SLC44A1: variants seen among roughly 807,000 people sequenced by gnomAD.
SLC44A1 encodes choline transporter-like protein 1.
A neutral mutation model predicts 79.3 loss-of-function variants in SLC44A1; 26 were observed. The ratio of observed to expected loss-of-function variants is 0.33; its 90% CI spans 0.24 to 0.46. SLC44A1 has a LOEUF of 0.46. Ranked by LOEUF, SLC44A1 falls within the 20% of genes least tolerant of loss-of-function variation. The pLI is 1.00. For synonymous variants in SLC44A1, 263 were observed against 286.2 expected (o/e 0.92, Z 0.82); for missense variants, 688 against 798.1 (o/e 0.86, Z 1.66).
intron 6 of SLC44A1, chr9:105,357,205 A>G (rs955917868): frequency 2.0e-5 from 3 of 152,180 alleles, no homozygotes; most frequent in Non-Finnish European, 4.4e-5. Context: ...TATTTCTGTG[A>G]TATTTGAAAG....
chr9:105,284,162 G>C (rs533279707), intron 1 of SLC44A1, among the ~76,000 whole-genome samples: 34 of 151,854 alleles, frequency 2.2e-4, no homozygotes, highest in African/African-American at 8.0e-4. Context: ...CACCTAATAG[G>C]TGCTAAGTAA....
intron 15 of SLC44A1, among the ~76,000 whole-genome samples, chr9:105,424,522 A>G (rs186267224): frequency 6.6e-6 from 1 of 152,312 alleles, no homozygotes; most frequent in East Asian, 1.9e-4. Context: ...CCTGAATGCA[A>G]TGTTTACTGC....
At position 105,370,289 on chromosome 9, in the gene SLC44A1, A is replaced by C. The variant is rs577081392; in HGVS notation, c.1494+3860A>C. Reference sequence around the variant, plus strand: ...GATCTGCAGCACATTTTTCTTCCTGAAGAGGTCATCTTGACCTTTGTGTAT... The same window carrying C: ...GATCTGCAGCACATTTTTCTTCCTGCAGAGGTCATCTTGACCTTTGTGTAT... On this transcript the variant is annotated intron_variant, in intron 12 of 15. Transcript: ENST00000374720. 1.3e-3 allele frequency among the ~76,000 whole-genome samples: 205 copies of C among 152,324 alleles called. 2 individuals are homozygous for C. Among genetic ancestry groups the C allele is most frequent in the Non-Finnish European group, 2.4e-3 (165 of 68,022 alleles).
At chr9:105,322,208 G>T (rs1402274766) in intron 3 of SLC44A1, among the ~76,000 whole-genome samples, 1 of 152,146 alleles carries the variant, frequency 6.6e-6, no homozygotes, top group Non-Finnish European at 1.5e-5. Flanking sequence ...GGTTTTGAAG[G>T]CAGGAAGGGA....
At chr9:105,429,935 T>C (rs1051764366) in intron 15 of SLC44A1, among the ~76,000 whole-genome samples, 1 of 151,828 alleles carries the variant, frequency 6.6e-6, no homozygotes, top group African/African-American at 2.4e-5. Context: ...CTCATTTTGT[T>C]GCTCAGGCTG....
At chr9:105,372,544 C>T (rs527865072) in intron 12 of SLC44A1, among the ~76,000 whole-genome samples, 116 of 152,114 alleles carry the variant, frequency 7.6e-4, no homozygotes, top group Middle Eastern at 3.4e-3. Context: ...CCTGCCTCGA[C>T]CTCCCAAAGT....
chr9:105,368,244 G>A (rs559906225), intron 12 of SLC44A1, among the ~76,000 whole-genome samples: 6 of 151,292 alleles, frequency 4.0e-5, no homozygotes, highest in South Asian at 2.1e-4. Context: ...TCAGCATTTC[G>A]TAGGCACGAT....
intron 1 of SLC44A1, among the ~76,000 whole-genome samples, chr9:105,287,458 A>G (rs1830503835): frequency 6.6e-6 from 1 of 152,170 alleles, no homozygotes; most frequent in African/African-American, 2.4e-5. Flanking sequence ...TTTCAAACAC[A>G]CATTTTATAA....
At position 105,393,173 on chromosome 9, in the gene SLC44A1, C is replaced by T. The variant is rs986829816; in HGVS notation, c.*4117C>T. On this transcript the variant is annotated 3_prime_UTR_variant, in exon 16 of 16. Transcript: ENST00000374720. ...AGCGTAACGCAGATATTTGTGTATT[C>T]TGTATTCACAGCGTAGGCTGCCTTT... The T allele has an allele frequency of 7.3e-5, 72 of 985,310 alleles. No homozygotes were observed. Among genetic ancestry groups the T allele is most frequent in the Non-Finnish European group, 8.1e-5 (67 of 829,928 alleles). The allele number at this position is 985,310 out of a possible 1,614,324, so 61.0% of individuals were successfully genotyped here.
At chr9:105,282,054 G>A (rs1396824618) in intron 1 of SLC44A1, among the ~76,000 whole-genome samples, 2 of 152,204 alleles carry the variant, frequency 1.3e-5, no homozygotes, top group Non-Finnish European at 2.9e-5. Flanking sequence ...ATAGAAGACT[G>A]GCTGGTGGGC....
At position 105,253,075 on chromosome 9, in the gene SLC44A1, A is replaced by G. The variant is rs1056604897; in HGVS notation, c.36+8171A>G. ...TTTGGTTGATAAACCCCTGGAATTT[A>G]TTTTTTTGTGAAAATATTATTATTC... On this transcript the variant is annotated intron_variant, in intron 1 of 15. Coordinates refer to ENST00000374720, the MANE Select transcript of SLC44A1 (RefSeq NM_080546.5). Among the ~76,000 whole-genome samples the G allele has an allele frequency of 3.3e-5, 5 of 152,248 alleles. No individual in the cohort carries two copies. In the East Asian group the frequency reaches 5.8e-4, roughly 18 times the overall value.
downstream of SLC44A1, among the ~76,000 whole-genome samples, chr9:105,401,360 A>C (rs1465764432): frequency 1.3e-5 from 2 of 152,240 alleles, no homozygotes; most frequent in African/African-American, 4.8e-5. Flanking sequence ...AGGCCAGTGG[A>C]ATAGAAGAGA....
intron 15 of SLC44A1, among the ~76,000 whole-genome samples, chr9:105,408,742 A>T (rs928342547): frequency 5.9e-5 from 9 of 152,188 alleles, no homozygotes; most frequent in African/African-American, 2.2e-4. Flanking sequence ...ATGATTTAAA[A>T]GGCAAATGCA....
intron 1 of SLC44A1, among the ~76,000 whole-genome samples, chr9:105,254,451 G>A (rs1829658287): frequency 6.6e-6 from 1 of 152,202 alleles, no homozygotes; most frequent in South Asian, 2.1e-4. Context: ...GGCAACACCG[G>A]AACAAAAGGA....
At chr9:105,402,975 CTTTTTTTTT>C (rs780060821) in intron 15 of SLC44A1, among the ~76,000 whole-genome samples, 2 of 66,378 alleles carry the variant, frequency 3.0e-5, no homozygotes, top group Admixed American at 2.0e-4. Context: ...TCACACCCAG[CTTTTTTTTT>C]TTTTTTTTTT....
chr9:105,268,701 A>G (rs1366764648), intron 1 of SLC44A1, among the ~76,000 whole-genome samples: 2 of 152,046 alleles, frequency 1.3e-5, no homozygotes, highest in Non-Finnish European at 2.9e-5. Flanking sequence ...GGTTTCACCA[A>G]GTTAATCAGG....
chr9:105,309,612 G>A (rs1042202418), intron 2 of SLC44A1, 112 bp from the exon 3 acceptor site: 5 of 903,112 alleles, frequency 5.5e-6, no homozygotes, highest in Non-Finnish European at 8.5e-6. Flanking sequence ...AGTAAGAAAA[G>A]ATAGCTCTTT....
At chr9:105,336,644 A>G (rs1361480170) in intron 4 of SLC44A1, among the ~76,000 whole-genome samples, 1 of 152,230 alleles carries the variant, frequency 6.6e-6, no homozygotes, top group African/African-American at 2.4e-5. Context: ...CGACCCAGGT[A>G]TCCAGTGGGT....
At chr9:105,360,425 A>C (rs965977912) in intron 7 of SLC44A1, among the ~76,000 whole-genome samples, 3 of 152,126 alleles carry the variant, frequency 2.0e-5, no homozygotes, top group African/African-American at 7.2e-5. Context: ...TATAAGTTCC[A>C]TGAACAGCAA....
Sources: gnomAD v4.1 joint callset for allele counts (sites outside exome capture counted in the v4.1 genomes callset) on GRCh38, gnomAD v4.1.1 for gene constraint, MANE v1.5 for transcripts, NCBI Gene and HGNC (gene_info 2026-07-23, HGNC 2026-07-21) for gene names.